Variants in ALG5 observed in about 807,000 individuals in gnomAD.
ALG5 encodes the protein dolichyl-phosphate beta-glucosyltransferase.
ALG5 carries 26 observed loss-of-function variants against 51.8 expected under a neutral mutation model. The observed-to-expected ratio is 0.50, with a 90% confidence interval of 0.37 to 0.70. The LOEUF is 0.70. Among genes scored for constraint, ALG5 ranks in the 30% least tolerant of loss-of-function variants. The pLI is 0.00. For synonymous variants in ALG5, 141 were observed against 136.1 expected, an observed-to-expected ratio of 1.04 and a Z score of -0.25; for missense variants, 311 against 399.3, an observed-to-expected ratio of 0.78 and a Z score of 1.88.
chr13:36,962,003 G>A (rs1223292521), intron 8 of ALG5, among the ~76,000 whole-genome samples: 1 of 152,118 alleles, frequency 6.6e-6, no homozygotes, highest in Non-Finnish European at 1.5e-5. Context: ...GGCCAGGCTG[G>A]TCTTGAACTC....
intron 6 of ALG5, among the ~76,000 whole-genome samples, chr13:36,985,361 A>G (rs1241824024): frequency 6.6e-6 from 1 of 152,162 alleles, no homozygotes; most frequent in Non-Finnish European, 1.5e-5. Context: ...TGCACAATAA[A>G]TATTAAAACT....
chr13:36,969,107 A>G (rs1178895397), intron 7 of ALG5, among the ~76,000 whole-genome samples: 1 of 152,192 alleles, frequency 6.6e-6, no homozygotes, highest in Non-Finnish European at 1.5e-5. Flanking sequence ...CCTGCGATTG[A>G]TCCCTTGATA....
intron 9 of ALG5, among the ~76,000 whole-genome samples, chr13:36,951,605 A>G (rs2058818150): frequency 6.6e-6 from 1 of 152,228 alleles, no homozygotes; most frequent in African/African-American, 2.4e-5. Flanking sequence ...GGAGAAAACT[A>G]GAATATGTTT....
intron 8 of ALG5, among the ~76,000 whole-genome samples, chr13:36,955,072 G>A (rs1170410900): frequency 6.6e-6 from 1 of 152,158 alleles, no homozygotes; most frequent in Admixed American, 6.5e-5. Flanking sequence ...GCTGCAAGTA[G>A]GACTCACTGA....
intron 3 of ALG5, 149 bp from the exon 4 acceptor site, chr13:36,993,821 A>G: frequency 1.5e-6 from 1 of 651,152 alleles, no homozygotes; most frequent in South Asian, 1.9e-5. Context: ...GCATAAAATA[A>G]AAAGGCTAAG....
Position 36,971,513 on chromosome 13 carries a change from G to A in ALG5, c.621+464C>T, listed in dbSNP as rs547366192. Among the ~76,000 whole-genome samples, 145 of 151,686 alleles carry A rather than the reference G, an allele frequency of 9.6e-4. 2 individuals carry two copies. The highest frequency in any genetic ancestry group is 2.4e-3 in the Admixed American group (37 of 15,212). ...ATACAAAATCATAGCCAGGTGTGGCGGTGTGCGCCTGTAGTCCCAGCTACT... is the reference window on the plus strand; with the variant it reads ...ATACAAAATCATAGCCAGGTGTGGCAGTGTGCGCCTGTAGTCCCAGCTACT... On this transcript the variant is annotated intron_variant, in intron 7 of 9. Transcript: ENST00000239891.
At chr13:36,985,094 G>C (rs2058996226) in intron 6 of ALG5, among the ~76,000 whole-genome samples, 1 of 151,308 alleles carries the variant, frequency 6.6e-6, no homozygotes, top group African/African-American at 2.4e-5. Context: ...CAAACGCTCA[G>C]GATCCTGAGC....
chr13:36,976,667 G>A (rs1305061210), intron 6 of ALG5, among the ~76,000 whole-genome samples: 1 of 151,770 alleles, frequency 6.6e-6, no homozygotes, highest in Non-Finnish European at 1.5e-5. Flanking sequence ...AGAATCGCTT[G>A]AACCTGGGAG....
chr13:36,950,414 T>C (rs1181449780), intron 9 of ALG5, among the ~76,000 whole-genome samples: 1 of 152,146 alleles, frequency 6.6e-6, no homozygotes, highest in African/African-American at 2.4e-5. Flanking sequence ...CAACTAAAGA[T>C]ACAGCACAAC....
intron 7 of ALG5, among the ~76,000 whole-genome samples, chr13:36,970,110 A>T (rs2058914979): frequency 6.6e-6 from 1 of 150,816 alleles, no homozygotes; most frequent in Non-Finnish European, 1.5e-5. Context: ...AATGTGCTGA[A>T]GATCTTAGAC....
intron 9 of ALG5, among the ~76,000 whole-genome samples, chr13:36,951,533 C>T (rs2058817931): frequency 6.6e-6 from 1 of 152,168 alleles, no homozygotes; most frequent in South Asian, 2.1e-4. Flanking sequence ...TCGAAAAAGT[C>T]TCCAGTTGAT....
At chr13:36,966,558 A>G (rs1045408362) in intron 7 of ALG5, among the ~76,000 whole-genome samples, 40 of 152,202 alleles carry the variant, frequency 2.6e-4, no homozygotes, top group Admixed American at 5.9e-4. Context: ...TGTCCAGGCT[A>G]GAGTCCAGTG....
rs368291171 is a variant in ALG5 at position 36,995,547 on chromosome 13, C to T, written c.116G>A (p.Arg39Gln). 34 of 1,605,764 alleles carry T rather than the reference C, an allele frequency of 2.1e-5. No individual in the cohort carries two copies. Among genetic ancestry groups the T allele is most frequent in the African/African-American group, 1.5e-4 (11 of 74,242 alleles). The change falls in exon 2 of 10, where the codon CGA becomes CAA. Residue 39 changes from arginine to glutamine, a missense_variant. Coordinates refer to ENST00000239891, the MANE Select transcript of ALG5 (RefSeq NM_013338.5). Reference protein sequence around the residue: ...TTATKMPALHRHEEEKFFLNA... With the variant: ...TTATKMPALHQHEEEKFFLNA... ...TAAGAAGAATTTCTCTTCTTCATGT[C>T]GATGGAGTGCTGGCATTTTTGTAGC... is the stretch of plus-strand genomic sequence containing the variant.
chr13:36,961,980 G>C (rs1352813523), intron 8 of ALG5, among the ~76,000 whole-genome samples: 1 of 152,106 alleles, frequency 6.6e-6, no homozygotes, highest in Non-Finnish European at 1.5e-5. Flanking sequence ...TAAAGACGAG[G>C]TTTCACCATT....
intron 6 of ALG5, among the ~76,000 whole-genome samples, chr13:36,982,798 T>C (rs1341811152): frequency 1.3e-5 from 2 of 152,146 alleles, no homozygotes; most frequent in African/African-American, 4.8e-5. Flanking sequence ...CCTTTCCACC[T>C]CCTGCAAAGA....
chr13:36,975,084 G>A (rs1034010005), intron 6 of ALG5, among the ~76,000 whole-genome samples: 22 of 152,118 alleles, frequency 1.4e-4, no homozygotes. Context: ...GGTGGCATGC[G>A]CCTGTAGTCC....
At chr13:36,982,864 T>C (rs901198712) in intron 6 of ALG5, among the ~76,000 whole-genome samples, 2 of 152,202 alleles carry the variant, frequency 1.3e-5, no homozygotes, top group East Asian at 1.9e-4. Context: ...ATTAATTCAA[T>C]TGAGCTGGGA....
At chr13:36,984,433 T>C (rs2058993078) in intron 6 of ALG5, among the ~76,000 whole-genome samples, 1 of 152,178 alleles carries the variant, frequency 6.6e-6, no homozygotes, top group Non-Finnish European at 1.5e-5. Context: ...TGTTTTGTCA[T>C]CTTACCTTTG....
At chr13:36,989,121 G>A (rs1373938911) in intron 5 of ALG5, among the ~76,000 whole-genome samples, 1 of 152,030 alleles carries the variant, frequency 6.6e-6, no homozygotes. Context: ...ATTCATCTTA[G>A]TTCATGCTAC....
Sources: allele counts gnomAD v4.1 joint callset (sites outside exome capture counted in the v4.1 genomes callset), GRCh38; gene constraint gnomAD v4.1.1; transcripts MANE v1.5; gene names NCBI Gene and HGNC (gene_info 2026-07-23, HGNC 2026-07-21).